Variants in PARVG observed in about 807,000 individuals in gnomAD.
PARVG encodes the protein parvin gamma, also known as gamma-parvin.
Under a neutral mutation model 44.4 loss-of-function variants are expected in PARVG, and 36 were observed. The observed-to-expected ratio is 0.81, with a 90% CI of 0.62 to 1.07. PARVG has a LOEUF of 1.07. PARVG is among the 50% of genes least tolerant of loss of function. The pLI is 0.00. For synonymous variants in PARVG, 170 were observed against 174.1 expected (o/e 0.98, Z 0.19); for missense variants, 407 against 407.4 (o/e 1.00, Z 0.01).
At chr22:44,176,935 G>A (rs4823202), upstream of PARVG, among the ~76,000 whole-genome samples, 15,716 of 152,044 alleles carry the variant, frequency 0.1, 1,599 homozygotes, top group African/African-American at 0.25. Context: ...AAACCAACCA[G>A]TCTCATGAGA....
intron 9 of PARVG, among the ~76,000 whole-genome samples, chr22:44,194,979 T>A (rs1283229559): frequency 6.6e-6 from 1 of 152,166 alleles, no homozygotes; most frequent in Non-Finnish European, 1.5e-5. Context: ...ATCCTAACAC[T>A]ATTTTTCCTC....
chr22:44,181,829 G>A lies in PARVG; in HGVS notation c.-101G>A. 1 of 985,544 alleles carries A rather than the reference G, an allele frequency of 1.0e-6. No homozygotes were observed. Among genetic ancestry groups the A allele is most frequent in the South Asian group, 4.7e-5 (1 of 21,292 alleles). The allele number at this position is 985,544 out of a possible 1,614,324, so 61.0% of individuals were successfully genotyped here. A position where few individuals can be genotyped will look rare whatever the true frequency, so the allele number is the denominator to read the frequency against. On this transcript the variant is annotated 5_prime_UTR_variant, in exon 2 of 14. Coordinates refer to ENST00000444313, the MANE Select transcript of PARVG (RefSeq NM_022141.7). ...CCCGGCCTGGTCCCCGAAGACCCCA[G>A]AAGAACCCGGAACTTGCTTCCATTC... is the stretch of plus-strand genomic sequence containing the variant.
intron 11 of PARVG, 105 bp downstream of exon 11, chr22:44,196,520 A>G (rs894977830): frequency 3.6e-6 from 5 of 1,386,728 alleles, no homozygotes; most frequent in Non-Finnish European, 5.0e-6. Flanking sequence ...TGGGGGTTGC[A>G]TCACCTCTTG....
intron 11 of PARVG, among the ~76,000 whole-genome samples, chr22:44,198,098 C>T (rs2054641631): frequency 1.3e-5 from 2 of 152,186 alleles, no homozygotes; most frequent in African/African-American, 4.8e-5. Flanking sequence ...CCATTAAGGG[C>T]TTCGAATGGC....
intron 9 of PARVG, 33 bp from the exon 10 acceptor site, chr22:44,196,122 G>A (rs111228167): frequency 1.9e-5 from 31 of 1,612,996 alleles, no homozygotes; most frequent in South Asian, 3.3e-5. Context: ...TAATAGCATC[G>A]TAATGAGGTG....
At chr22:44,190,687 G>C in intron 7 of PARVG, 21 bp downstream of exon 7, 1 of 1,584,482 alleles carries the variant, frequency 6.3e-7, no homozygotes, top group Non-Finnish European at 8.7e-7. Context: ...GGGCCCCAGG[G>C]ATTTGTAAGC....
intron 3 of PARVG, chr22:44,183,951 C>T (rs9614364): frequency 0.42 from 104,377 of 247,630 alleles, 22,256 homozygotes; most frequent in Admixed American, 0.47. Context: ...CGTGTGGGTC[C>T]CTTTCAAAAG....
chr22:44,198,469 G>T (rs1027007795), intron 11 of PARVG, 152 bp from the exon 12 acceptor site: 3 of 660,046 alleles, frequency 4.5e-6, no homozygotes, highest in Non-Finnish European at 8.1e-6. Flanking sequence ...CTGCAACCCT[G>T]TGAGGTCAGG....
At chr22:44,187,438 C>T in intron 4 of PARVG, 1 of 366,174 alleles carries the variant, frequency 2.7e-6, no homozygotes, top group Non-Finnish European at 5.1e-6. Flanking sequence ...CTATCAAGTG[C>T]TCATTGTCCA....
chr22:44,191,045 T>C (rs560739484), intron 7 of PARVG, among the ~76,000 whole-genome samples: 1 of 152,288 alleles, frequency 6.6e-6, no homozygotes, highest in South Asian at 2.1e-4. Flanking sequence ...AAACCAATGC[T>C]CTCACCATGA....
chr22:44,178,734 T>C (rs541102857), upstream of PARVG, among the ~76,000 whole-genome samples: 369 of 152,238 alleles, frequency 2.4e-3, no homozygotes, highest in African/African-American at 8.6e-3. Context: ...TAAAGAGACA[T>C]GAAAACCAAA....
At chr22:44,193,356 G>T (rs1198169156) in intron 8 of PARVG, among the ~76,000 whole-genome samples, 1 of 152,220 alleles carries the variant, frequency 6.6e-6, no homozygotes. Context: ...GATGGCAAGA[G>T]AAATCGCAGC....
chr22:44,190,150 C>T lies in PARVG; in HGVS notation c.389-401C>T, dbSNP rs190474367. 1.3e-3 allele frequency among the ~76,000 whole-genome samples: 195 copies of T among 152,296 alleles called. 1 individual carries two copies. The highest frequency in any genetic ancestry group is 1.9e-3 in the Non-Finnish European group (128 of 68,030). ...TTGTTGGGTCCCATGCGCCTGCATT[C>T]GCAGCCTGTAAGGTCTCACAATCAG... On this transcript the variant is annotated intron_variant, in intron 6 of 13. Coordinates refer to ENST00000444313, the MANE Select transcript of PARVG (RefSeq NM_022141.7).
chr22:44,204,143 C>G (rs1253721809), intron 12 of PARVG, among the ~76,000 whole-genome samples: 1 of 152,206 alleles, frequency 6.6e-6, no homozygotes, highest in Non-Finnish European at 1.5e-5. Flanking sequence ...CCGTGCCTAG[C>G]CTGTTTCTTC....
chr22:44,192,890 CT>C (rs1156268529), intron 8 of PARVG, among the ~76,000 whole-genome samples: 2 of 152,242 alleles, frequency 1.3e-5, no homozygotes, highest in African/African-American at 4.8e-5. Flanking sequence ...GGCCCAGGGG[CT>C]GCACAGGCTG....
intron 1 of PARVG, among the ~76,000 whole-genome samples, chr22:44,175,846 A>G (rs2054314058): frequency 2.6e-5 from 4 of 152,154 alleles, no homozygotes; most frequent in Non-Finnish European, 5.9e-5. Flanking sequence ...GAGGTCTCTG[A>G]CACCAGGGAA....
chr22:44,183,370 A>G lies in PARVG; in HGVS notation c.41A>G (p.Lys14Arg), dbSNP rs2054414425. 1.2e-6 allele frequency: 2 copies of G among 1,609,722 alleles called. No individual in the cohort carries two copies. The highest frequency in any genetic ancestry group is 2.7e-5 in the African/African-American group (2 of 74,834). ...TTGTACGACCTGCTGCAGCTCCCCA[A>G]GGGGGTGGAGCCCCCAGCGGAGGAG... ...EFLYDLLQLP[K>R]GVEPPAEEEL... is the part of the protein sequence containing the mutation. Residue 14 changes from lysine to arginine, a missense_variant, in exon 3 of 14, where the codon AAG becomes AGG. Physicochemically the swap from Lys to Arg is conservative, Grantham distance 26. Transcript: ENST00000444313.
chr22:44,175,232 G>A (rs1251180002), intron 1 of PARVG, among the ~76,000 whole-genome samples: 4 of 152,392 alleles, frequency 2.6e-5, no homozygotes, highest in South Asian at 2.1e-4. Context: ...CCAGGGGGCC[G>A]TGGTGGGGAG....
intron 5 of PARVG, 164 bp from the exon 6 acceptor site, chr22:44,188,950 C>A: frequency 1.2e-6 from 1 of 842,772 alleles, no homozygotes; most frequent in Non-Finnish European, 1.8e-6. Flanking sequence ...GGAGGGCATA[C>A]CCGATTGAGG....
Sources: allele counts gnomAD v4.1 joint callset (sites outside exome capture counted in the v4.1 genomes callset), GRCh38; gene constraint gnomAD v4.1.1; transcripts MANE v1.5; gene names NCBI Gene and HGNC (gene_info 2026-07-23, HGNC 2026-07-21).